CALCOCO1: variants seen among roughly 807,000 people sequenced by gnomAD.
CALCOCO1 encodes calcium binding and coiled-coil domain 1.
A neutral mutation model predicts 86.3 loss-of-function variants in CALCOCO1; 44 were observed. That is an observed-to-expected ratio of 0.51 (90% CI 0.40 to 0.66). The LOEUF is 0.66. Ranked by LOEUF, CALCOCO1 falls within the 30% of genes least tolerant of loss-of-function variation. The pLI, the probability that CALCOCO1 is intolerant of heterozygous loss-of-function variation, is 0.00. For synonymous variants in CALCOCO1, 297 were observed against 327.6 expected (o/e 0.91, Z 1.01); for missense variants, 708 against 851.1 (o/e 0.83, Z 2.09).
In CALCOCO1 at chr12:53,711,899, T is replaced by C; in HGVS notation, c.*45A>G. 2.0e-6 allele frequency: 3 copies of C among 1,468,476 alleles called. No individual in the cohort carries two copies. Among genetic ancestry groups the C allele is most frequent in the Non-Finnish European group, 2.7e-6 (3 of 1,097,028 alleles). The allele number at this position is 1,468,476 out of a possible 1,614,324, so 91.0% of individuals were successfully genotyped here. On this transcript the variant is annotated 3_prime_UTR_variant, in exon 15 of 15. Coordinates refer to ENST00000550804, the MANE Select transcript of CALCOCO1 (RefSeq NM_020898.3). ...CTAAGTGTATGCATGTGTGTGAGTGTGTGTGTGCATGAGTGTGTATTTGTG... is the reference window on the plus strand; with the variant it reads ...CTAAGTGTATGCATGTGTGTGAGTGCGTGTGTGCATGAGTGTGTATTTGTG...
chr12:53,725,635 G>C (rs1166991785), intron 1 of CALCOCO1: 1 of 157,294 alleles, frequency 6.4e-6, no homozygotes, highest in African/African-American at 2.4e-5. Context: ...CCTGGCTCTT[G>C]AATACAAAAT....
At position 53,715,280 on chromosome 12, in the gene CALCOCO1, A is replaced by G. The variant is rs144779779; in HGVS notation, c.1306T>C (p.Leu436=). 314 of 1,613,932 alleles carry G rather than the reference A, an allele frequency of 1.9e-4. No homozygotes were observed. The highest frequency in any genetic ancestry group is 2.4e-4 in the Non-Finnish European group (288 of 1,180,012). Residue 436 remains leucine, a synonymous_variant, in exon 10 of 15, where the codon TTG becomes CTG. Coordinates refer to ENST00000550804, the MANE Select transcript of CALCOCO1 (RefSeq NM_020898.3). ...CTCTCCTCCTGAACTGCCTTCTCCA[A>G]TCGAAGTATCTCTGCACTCAGCTTC... ...ILKLSAEILR[L]EKAVQEERTQ... is the part of the protein sequence containing the mutation.
intron 6 of CALCOCO1, among the ~76,000 whole-genome samples, chr12:53,721,052 G>A (rs1412648247): frequency 6.6e-6 from 1 of 152,026 alleles, no homozygotes; most frequent in Non-Finnish European, 1.5e-5. Context: ...TTTTTCCAGG[G>A]CAGAGATTCC....
chr12:53,712,428 G>A lies in CALCOCO1; in HGVS notation c.1899-307C>T, dbSNP rs767890720. 3.1e-4 allele frequency: 96 copies of A among 308,696 alleles called. 1 individual carries two copies. Among genetic ancestry groups the A allele is most frequent in the African/African-American group, 1.2e-3 (56 of 45,618 alleles). The allele number at this position is 308,696 out of a possible 1,614,324, so 19.1% of individuals were successfully genotyped here. A position where few individuals can be genotyped will look rare whatever the true frequency, so the allele number is the denominator to read the frequency against. On this transcript the variant is annotated intron_variant, in intron 14 of 14. Transcript: ENST00000550804. The stretch of plus-strand genomic sequence containing the variant: ...TGAGGCTGAAAATGAGTCTGACATC[G>A]TCCTTCATCTTCCTGCTCCAGCCGA...
chr12:53,722,476 C>A (rs1021797391), intron 4 of CALCOCO1, among the ~76,000 whole-genome samples: 2 of 152,188 alleles, frequency 1.3e-5, no homozygotes, highest in Non-Finnish European at 2.9e-5. Context: ...AGTCAATGAA[C>A]ACAGACACAA....
At chr12:53,722,288 G>A in intron 4 of CALCOCO1, 105 bp from the exon 5 acceptor site, 1 of 1,321,958 alleles carries the variant, frequency 7.6e-7, no homozygotes, top group South Asian at 1.3e-5. Context: ...AAGTTACATA[G>A]CTTTGGGTTA....
At chr12:53,723,819 T>C in intron 3 of CALCOCO1, 36 bp from the exon 4 acceptor site, 1 of 1,588,546 alleles carries the variant, frequency 6.3e-7, no homozygotes, top group Non-Finnish European at 8.6e-7. Flanking sequence ...ACCCCAATAA[T>C]CCACTGTCCT....
At chr12:53,715,134 A>G in intron 10 of CALCOCO1, 66 bp downstream of exon 10, 1 of 1,568,222 alleles carries the variant, frequency 6.4e-7, no homozygotes, top group Non-Finnish European at 8.6e-7. Flanking sequence ...TACCCAAGAC[A>G]GAGAGAAGGG....
At chr12:53,726,988 G>A (rs548775052) in intron 1 of CALCOCO1, among the ~76,000 whole-genome samples, 10 of 152,224 alleles carry the variant, frequency 6.6e-5, no homozygotes, top group Non-Finnish European at 2.9e-5. Context: ...ACTCTGTAGG[G>A]CTCTAGAGTT....
chr12:53,719,961 C>T, intron 6 of CALCOCO1, 132 bp from the exon 7 acceptor site: 2 of 545,752 alleles, frequency 3.7e-6, no homozygotes, highest in Non-Finnish European at 6.5e-6. Context: ...TGCATAAATC[C>T]CCAAGCCAGC....
In CALCOCO1 at chr12:53,721,493, C is replaced by T. The variant is rs1173584491; in HGVS notation, c.732G>A (p.Val244=). The T allele has an allele frequency of 5.0e-6, 8 of 1,611,604 alleles. No homozygotes were observed. Among genetic ancestry groups the T allele is most frequent in the Middle Eastern group, 1.7e-4 (1 of 6,046 alleles). The change falls in exon 6 of 15, where the codon GTG becomes GTA. Residue 244 remains valine (V), a synonymous_variant. Transcript: ENST00000550804. ...EDDIQTISEK[V]LTKEVELDRL... ...TGTCCAGCTCCACTTCCTTCGTCAG[C>T]ACTTTCTCACTGATGGTCTGGATGT...
At position 53,721,590 on chromosome 12, in the gene CALCOCO1, A is replaced by G. The variant is rs1945867879; in HGVS notation, c.635T>C (p.Ile212Thr). ...YKGISRSHGE[I>T]TEERDILSRQ... is the part of the protein sequence containing the mutation. Reference sequence around the variant, plus strand: ...GCTCAGGATGTCCCTCTCTTCTGTGATCTCCCCATGGGACCGGGAAATCCC... The same window carrying G: ...GCTCAGGATGTCCCTCTCTTCTGTGGTCTCCCCATGGGACCGGGAAATCCC... The change falls in exon 6 of 15, where the codon ATC becomes ACC. Residue 212 changes from isoleucine (I) to threonine (T), a missense_variant. Physicochemically the swap from Ile to Thr is moderately conservative, Grantham distance 89 (BLOSUM62 -1). Transcript: ENST00000550804. The G allele has an allele frequency of 6.2e-7, 1 of 1,613,710 alleles. No homozygotes were observed. Among genetic ancestry groups the G allele is most frequent in the Admixed American group, 1.7e-5 (1 of 59,918 alleles).
intron 4 of CALCOCO1, 92 bp from the exon 5 acceptor site, chr12:53,722,275 G>C: frequency 6.8e-7 from 1 of 1,462,834 alleles, no homozygotes; most frequent in South Asian, 1.2e-5. Flanking sequence ...TTTTGGGTTT[G>C]GGAAGTTACA....
Position 53,709,097 on chromosome 12 carries a change from A to G in CALCOCO1, c.*2847T>C, listed in dbSNP as rs1015994347. ...CCACCAAATACTGACGCGAGTTCCT[A>G]TTTGCTGCTACTTGGCTGACATCTC... On this transcript the variant is annotated 3_prime_UTR_variant, in exon 15 of 15. Transcript: ENST00000550804. The G allele has an allele frequency of 2.0e-5, 3 of 152,128 alleles. No homozygotes were observed. The highest frequency in any genetic ancestry group is 4.4e-5 in the Non-Finnish European group (3 of 68,020). 9.4% of individuals were successfully genotyped at this position (152,128 alleles called of 1,614,324 possible). A position where few individuals can be genotyped will look rare whatever the true frequency, so the allele number is the denominator to read the frequency against.
intron 1 of CALCOCO1, among the ~76,000 whole-genome samples, chr12:53,726,819 T>C (rs1306958437): frequency 1.3e-5 from 2 of 152,096 alleles, no homozygotes; most frequent in Non-Finnish European, 2.9e-5. Flanking sequence ...TCCCCAAAGA[T>C]ATACCTGGAG....
In CALCOCO1 at chr12:53,711,054, G is replaced by A. The variant is rs1020460019; in HGVS notation, c.*890C>T. On this transcript the variant is annotated 3_prime_UTR_variant, in exon 15 of 15. Coordinates refer to ENST00000550804, the MANE Select transcript of CALCOCO1 (RefSeq NM_020898.3). ...CTCCCTCCACCAGGGTCTAAGAGCT[G>A]GAGGTCTGGGCCCTGTGTTCCAGTC... is the stretch of plus-strand genomic sequence containing the variant. The A allele has an allele frequency of 2.1e-5, 8 of 377,392 alleles. No homozygotes were observed. The highest frequency in any genetic ancestry group is 3.3e-5 in the Non-Finnish European group (7 of 212,934). 23.4% of individuals were successfully genotyped at this position (377,392 alleles called of 1,614,324 possible).
At chr12:53,723,355 C>A (rs926033836) in intron 4 of CALCOCO1, among the ~76,000 whole-genome samples, 11 of 152,208 alleles carry the variant, frequency 7.2e-5, no homozygotes, top group African/African-American at 2.7e-4. Context: ...AGGAAGGCTG[C>A]AAAAGTTCTT....
Position 53,723,882 on chromosome 12 carries a change from C to T in CALCOCO1, c.260-99G>A, listed in dbSNP as rs563351336. ...ATATACTGTTTCTTCTCTTCTCCAC[C>T]TCCCACAGGCCATACTCTTCTCCCT... On this transcript the variant is annotated intron_variant, in intron 3 of 14. Transcript: ENST00000550804. 1.5e-4 allele frequency: 150 copies of T among 990,500 alleles called. No homozygotes were observed. The African/African-American group carries it at 2.0e-3, about 13-fold the overall frequency. 61.4% of individuals were successfully genotyped at this position (990,500 alleles called of 1,614,324 possible). A position where few individuals can be genotyped will look rare whatever the true frequency, so the allele number is the denominator to read the frequency against.
At chr12:53,715,399 T>A in intron 9 of CALCOCO1, 74 bp from the exon 10 acceptor site, 1 of 1,562,968 alleles carries the variant, frequency 6.4e-7, no homozygotes, top group South Asian at 1.1e-5. Flanking sequence ...AACAGCACCA[T>A]CCCTTACTGT....
Sources: gnomAD v4.1 joint callset for allele counts (sites outside exome capture counted in the v4.1 genomes callset) on GRCh38, gnomAD v4.1.1 for gene constraint, MANE v1.5 for transcripts, NCBI Gene and HGNC (gene_info 2026-07-23, HGNC 2026-07-21) for gene names.